The following ZCWPW2 variants were observed in gnomAD, a reference collection of about 807,000 sequenced individuals.
ZCWPW2 encodes zinc finger CW-type PWWP domain protein 2.
Under a neutral mutation model 46.6 loss-of-function variants are expected in ZCWPW2, and 45 were observed. The observed-to-expected ratio is 0.96, with a 90% CI of 0.76 to 1.24. The LOEUF (loss-of-function observed/expected upper bound fraction) is 1.24. ZCWPW2 is among the 50% of genes most tolerant of loss of function. The pLI is 0.00. For synonymous variants in ZCWPW2, 152 were observed against 137.1 expected (o/e 1.11, Z -0.76); for missense variants, 429 against 403.9 (o/e 1.06, Z -0.53).
At chr3:28,442,290 G>A (rs1020702729) in intron 4 of ZCWPW2, among the ~76,000 whole-genome samples, 2 of 152,166 alleles carry the variant, frequency 1.3e-5, no homozygotes, top group East Asian at 3.9e-4. Flanking sequence ...ATCTCAACAA[G>A]CCCCACACCG....
chr3:28,381,068 A>G (rs559525871), intron 1 of ZCWPW2, among the ~76,000 whole-genome samples: 1 of 124,574 alleles, frequency 8.0e-6, no homozygotes, highest in Non-Finnish European at 1.7e-5. Context: ...ATATATATAT[A>G]TATATATATA....
chr3:28,443,025 T>G (rs1185448995), intron 4 of ZCWPW2, among the ~76,000 whole-genome samples: 2 of 152,174 alleles, frequency 1.3e-5, no homozygotes, highest in African/African-American at 4.8e-5. Flanking sequence ...CTGCTAAATA[T>G]GTCTATGCGA....
chr3:28,360,349 CAAAAAAAAA>C (rs71087692), intron 1 of ZCWPW2, among the ~76,000 whole-genome samples: 29 of 53,922 alleles, frequency 5.4e-4, no homozygotes, highest in East Asian at 4.7e-3. Flanking sequence ...ACTAAAAATA[CAAAAAAAAA>C]AAAAAAAAAA....
At chr3:28,493,016 A>G (rs1392200311) in intron 6 of ZCWPW2, among the ~76,000 whole-genome samples, 1 of 144,844 alleles carries the variant, frequency 6.9e-6, no homozygotes, top group Non-Finnish European at 1.5e-5. Context: ...TTCTTTGTAC[A>G]TTTTATGAGT....
chr3:28,359,239 AT>A (rs1448279325), intron 1 of ZCWPW2, among the ~76,000 whole-genome samples: 1 of 152,180 alleles, frequency 6.6e-6, no homozygotes, highest in African/African-American at 2.4e-5. Context: ...AGGATTTAAA[AT>A]TATTTGTAGC....
At chr3:28,429,400 G>T (rs181459186) in intron 3 of ZCWPW2, among the ~76,000 whole-genome samples, 20 of 152,262 alleles carry the variant, frequency 1.3e-4, no homozygotes, top group Non-Finnish European at 4.4e-5. Context: ...AGTGACTTGG[G>T]TGCTCTAAAA....
chr3:28,498,044 G>C (rs1416381437), intron 6 of ZCWPW2, among the ~76,000 whole-genome samples: 2 of 151,966 alleles, frequency 1.3e-5, no homozygotes, highest in East Asian at 3.9e-4. Context: ...AGTATCTGTA[G>C]AATATCATAA....
intron 6 of ZCWPW2, among the ~76,000 whole-genome samples, chr3:28,500,566 G>A (rs977716482): frequency 2.0e-5 from 3 of 151,840 alleles, no homozygotes; most frequent in African/African-American, 4.8e-5. Context: ...TATACATTTC[G>A]ATATGAGGAA....
intron 3 of ZCWPW2, among the ~76,000 whole-genome samples, chr3:28,426,104 T>C (rs1164499151): frequency 2.0e-5 from 3 of 151,616 alleles, no homozygotes; most frequent in African/African-American, 7.3e-5. Flanking sequence ...AGCAAAACTC[T>C]GTCACAAAAA....
intron 1 of ZCWPW2, among the ~76,000 whole-genome samples, chr3:28,356,130 A>T (rs1217464557): frequency 6.6e-6 from 1 of 152,248 alleles, no homozygotes; most frequent in East Asian, 1.9e-4. Flanking sequence ...TCCAGAATCG[A>T]CGAAGAACTT....
At chr3:28,368,844 G>A (rs1039530883) in intron 1 of ZCWPW2, among the ~76,000 whole-genome samples, 1 of 152,154 alleles carries the variant, frequency 6.6e-6, no homozygotes, top group African/African-American at 2.4e-5. Flanking sequence ...ATTTCTTGGA[G>A]GCTTTGTTCA....
intron 1 of ZCWPW2, among the ~76,000 whole-genome samples, chr3:28,362,715 AT>A (rs1328966235): frequency 6.6e-6 from 1 of 152,088 alleles, no homozygotes; most frequent in Non-Finnish European, 1.5e-5. Flanking sequence ...TAGCAATCTC[AT>A]TTCATACCCG....
chr3:28,497,816 T>A (rs1305970649), intron 6 of ZCWPW2, among the ~76,000 whole-genome samples: 1 of 152,116 alleles, frequency 6.6e-6, no homozygotes, highest in Non-Finnish European at 1.5e-5. Context: ...TAACTCCCTT[T>A]TTTAGCTCTT....
In ZCWPW2 at chr3:28,413,099, G is replaced by C. The variant is rs1696468288; in HGVS notation, c.31G>C (p.Glu11Gln). 1.2e-6 allele frequency: 2 copies of C among 1,611,570 alleles called. No individual in the cohort carries two copies. The highest frequency in any genetic ancestry group is 1.7e-6 in the Non-Finnish European group (2 of 1,178,648). The change falls in exon 3 of 10, where the codon GAA becomes CAA. Residue 11 changes from glutamate (E) to glutamine (Q), a missense_variant. Coordinates refer to ENST00000383768, the MANE Select transcript of ZCWPW2 (RefSeq NM_001040432.4). MDKEKLDVKI[E>Q]YCNYAMDSSV... ...TAAAGAAAAATTGGATGTTAAGATT[G>C]AATATTGTAACTATGCAATGGATTC...
chr3:28,493,095 C>CTT (rs11426111), intron 6 of ZCWPW2, among the ~76,000 whole-genome samples: 40 of 77,072 alleles, frequency 5.2e-4, no homozygotes, highest in South Asian at 3.2e-3. Flanking sequence ...CTTGGCTTTT[C>CTT]TTTTTTTTTT....
At chr3:28,504,030 T>C (rs1410902734) in intron 6 of ZCWPW2, among the ~76,000 whole-genome samples, 2 of 151,888 alleles carry the variant, frequency 1.3e-5, no homozygotes, top group African/African-American at 2.4e-5. Flanking sequence ...ACTTTTTCTC[T>C]ACTAAAAATT....
chr3:28,408,524 C>CTTGTT lies in ZCWPW2; in HGVS notation c.-13-4531_-13-4530insTGTTT, dbSNP rs569028896. On this transcript the variant is annotated intron_variant, in intron 2 of 9. Transcript: ENST00000383768. ...TAATCTAGATAATATATTCTATAAACTAGTTAGTTAAATGTAACTCCAATA... is the reference window on the plus strand; with the variant it reads ...TAATCTAGATAATATATTCTATAAACTTGTTTAGTTAGTTAAATGTAACTCCAATA... Among the ~76,000 whole-genome samples the CTTGTT allele has an allele frequency of 2.5e-3, 386 of 152,232 alleles. 1 individual carries two copies. Among genetic ancestry groups the CTTGTT allele is most frequent in the African/African-American group, 8.4e-3 (350 of 41,560 alleles).
intron 4 of ZCWPW2, among the ~76,000 whole-genome samples, chr3:28,445,302 A>G (rs1213710907): frequency 6.6e-6 from 1 of 151,992 alleles, no homozygotes; most frequent in Non-Finnish European, 1.5e-5. Flanking sequence ...TTATAGCTCC[A>G]CATTTTGTTT....
chr3:28,450,704 A>G (rs928793913), intron 4 of ZCWPW2, among the ~76,000 whole-genome samples: 1 of 152,138 alleles, frequency 6.6e-6, no homozygotes, highest in African/African-American at 2.4e-5. Context: ...TCTGCTTATC[A>G]TTGTATGTAA....
Sources: gnomAD v4.1 joint callset for allele counts (sites outside exome capture counted in the v4.1 genomes callset) on GRCh38, gnomAD v4.1.1 for gene constraint, MANE v1.5 for transcripts, NCBI Gene and HGNC (gene_info 2026-07-23, HGNC 2026-07-21) for gene names.